DISC1: variants seen among roughly 807,000 people sequenced by gnomAD.
The protein encoded by DISC1 is DISC1 scaffold protein, also known as disrupted in schizophrenia 1 protein.
DISC1 carries 57 observed loss-of-function variants against 84.5 expected under a neutral mutation model. The observed-to-expected ratio is 0.67, with a 90% CI of 0.55 to 0.84. DISC1 has a LOEUF of 0.84. Among genes scored for constraint, DISC1 ranks in the 40% least tolerant of loss-of-function variants. DISC1 has a pLI of 0.00. For missense variants in DISC1, 1,000 were observed against 1,057.8 expected (o/e 0.95, Z 0.76); for synonymous variants, 411 against 415.2 (o/e 0.99, Z 0.12).
intron 1 of DISC1, chr1:231,670,619 C>T (rs1452654168): frequency 6.6e-6 from 1 of 152,202 alleles, no homozygotes; most frequent in Admixed American, 6.5e-5. Flanking sequence ...ATAACATTGA[C>T]ATTCTGTTCA....
intron 1 of DISC1, among the ~76,000 whole-genome samples, chr1:231,684,523 C>T (rs1294835698): frequency 6.6e-6 from 1 of 152,020 alleles, no homozygotes; most frequent in African/African-American, 2.4e-5. Flanking sequence ...ATACAGTAGG[C>T]ACCTGTGTAA....
chr1:231,903,409 C>G (rs1047439793), intron 9 of DISC1, among the ~76,000 whole-genome samples: 1 of 152,154 alleles, frequency 6.6e-6, no homozygotes, highest in African/African-American at 2.4e-5. Flanking sequence ...GCCTATAAGA[C>G]TGTAGATTTA....
intron 9 of DISC1, among the ~76,000 whole-genome samples, chr1:231,935,158 G>T (rs748968390): frequency 5.3e-5 from 8 of 152,234 alleles, no homozygotes; most frequent in African/African-American, 9.6e-5. Flanking sequence ...AGCCTCAGAG[G>T]ACTGTGGCAT....
At chr1:231,814,301 G>C (rs908812598) in intron 8 of DISC1, among the ~76,000 whole-genome samples, 1 of 152,102 alleles carries the variant, frequency 6.6e-6, no homozygotes, top group Non-Finnish European at 1.5e-5. Context: ...GCTGTAAAAG[G>C]AGACAACAAT....
intron 11 of DISC1, among the ~76,000 whole-genome samples, chr1:232,011,964 A>G (rs1668058373): frequency 6.6e-6 from 1 of 152,172 alleles, no homozygotes; most frequent in African/African-American, 2.4e-5. Context: ...CTGTTAAGAA[A>G]AACACCACCA....
intron 10 of DISC1, among the ~76,000 whole-genome samples, chr1:231,971,916 A>T (rs201489717): frequency 5.3e-5 from 8 of 152,344 alleles, no homozygotes; most frequent in Non-Finnish European, 1.2e-4. Flanking sequence ...CGGACTAAGA[A>T]AAAGAAGAGA....
intron 8 of DISC1, among the ~76,000 whole-genome samples, chr1:231,805,202 A>T (rs1188799431): frequency 6.6e-6 from 1 of 151,988 alleles, no homozygotes; most frequent in Non-Finnish European, 1.5e-5. Flanking sequence ...TTCTGTTTCA[A>T]TTTTCCTGTT....
chr1:231,720,540 A>G (rs1406235475), intron 3 of DISC1, among the ~76,000 whole-genome samples: 1 of 151,968 alleles, frequency 6.6e-6, no homozygotes, highest in Non-Finnish European at 1.5e-5. Context: ...GGGTCTCACT[A>G]TGTTGCACAG....
At chr1:231,872,544 A>C (rs1463827469) in intron 9 of DISC1, among the ~76,000 whole-genome samples, 1 of 152,172 alleles carries the variant, frequency 6.6e-6, no homozygotes, top group Non-Finnish European at 1.5e-5. Context: ...ATGCCTTTCT[A>C]GGGCTGAAGT....
intron 9 of DISC1, among the ~76,000 whole-genome samples, chr1:231,835,352 A>G (rs1347557685): frequency 6.6e-6 from 1 of 152,138 alleles, no homozygotes; most frequent in Non-Finnish European, 1.5e-5. Flanking sequence ...GAAGGGAGAT[A>G]GGGGTGGCGC....
chr1:231,683,568 G>A (rs560090659), intron 1 of DISC1, among the ~76,000 whole-genome samples: 2 of 150,218 alleles, frequency 1.3e-5, no homozygotes, highest in South Asian at 2.1e-4. Flanking sequence ...TAATTTGCCT[G>A]TATTCTGTGA....
chr1:231,971,782 G>A (rs1217338613), intron 10 of DISC1, among the ~76,000 whole-genome samples: 2 of 152,140 alleles, frequency 1.3e-5, no homozygotes, highest in Admixed American at 1.3e-4. Flanking sequence ...AATTTTATGT[G>A]ATCGTATTGT....
At chr1:231,677,459 G>A (rs4658882) in intron 1 of DISC1, among the ~76,000 whole-genome samples, 27,060 of 152,226 alleles carry the variant, frequency 0.18, 3,228 homozygotes, top group East Asian at 0.48. Context: ...CGGGGGCTCA[G>A]AACAACTCGG....
At chr1:231,943,580 T>TTTC (rs2126138003) in intron 9 of DISC1, among the ~76,000 whole-genome samples, 1 of 152,216 alleles carries the variant, frequency 6.6e-6, no homozygotes, top group Non-Finnish European at 1.5e-5. Flanking sequence ...TGCTCACAGG[T>TTTC]TAGTTGTTTA....
chr1:232,000,241 C>T (rs1666503750), intron 10 of DISC1, among the ~76,000 whole-genome samples: 1 of 152,000 alleles, frequency 6.6e-6, no homozygotes, highest in African/African-American at 2.4e-5. Context: ...AAAAGGTCAG[C>T]AAAGATATAG....
intron 1 of DISC1, among the ~76,000 whole-genome samples, chr1:231,680,812 A>G (rs1023445455): frequency 6.6e-6 from 1 of 152,236 alleles, no homozygotes; most frequent in African/African-American, 2.4e-5. Flanking sequence ...GGCATGCAAA[A>G]TGGAGCATTT....
At chr1:231,755,679 A>G (rs887396897) in intron 4 of DISC1, among the ~76,000 whole-genome samples, 1 of 152,150 alleles carries the variant, frequency 6.6e-6, no homozygotes, top group African/African-American at 2.4e-5. Context: ...CTATATCCCC[A>G]GTCTGAATGA....
At chr1:231,656,365 T>A (rs1558259153) in intron 1 of DISC1, among the ~76,000 whole-genome samples, 1 of 152,214 alleles carries the variant, frequency 6.6e-6, no homozygotes, top group Non-Finnish European at 1.5e-5. Context: ...TTTATGTTTG[T>A]ATATGCTTTG....
intron 9 of DISC1, among the ~76,000 whole-genome samples, chr1:231,916,218 T>A (rs1002593867): frequency 6.6e-6 from 1 of 152,206 alleles, no homozygotes; most frequent in Non-Finnish European, 1.5e-5. Context: ...GAGGCATTCT[T>A]ACTTTTTAGG....
Sources: gnomAD v4.1 joint callset for allele counts (sites outside exome capture counted in the v4.1 genomes callset) on GRCh38, gnomAD v4.1.1 for gene constraint, MANE v1.5 for transcripts, NCBI Gene and HGNC (gene_info 2026-07-23, HGNC 2026-07-21) for gene names.